BMPER: variants seen among roughly 807,000 people sequenced by gnomAD.
BMPER encodes BMP-binding endothelial regulator protein.
BMPER carries 45 observed loss-of-function variants against 87.3 expected under a neutral mutation model. The observed-to-expected ratio is 0.52, with a 90% CI of 0.41 to 0.66. The LOEUF is 0.66. BMPER is among the 30% of genes least tolerant of loss of function. The probability of loss-of-function intolerance (pLI) is 0.00; values close to 1 mark genes in which losing one functional copy is unlikely to be tolerated. For missense variants in BMPER, 784 were observed against 867.5 expected (o/e 0.90, Z 1.21); for synonymous variants, 326 against 316.2 (o/e 1.03, Z -0.33).
chr7:34,018,128 C>T (rs1787082473), intron 6 of BMPER, among the ~76,000 whole-genome samples: 1 of 151,872 alleles, frequency 6.6e-6, no homozygotes, highest in South Asian at 2.1e-4. Context: ...AGTTTGAAGT[C>T]GTCAGCCACC....
chr7:34,032,123 G>A (rs1787545559), intron 6 of BMPER, among the ~76,000 whole-genome samples: 1 of 151,268 alleles, frequency 6.6e-6, no homozygotes, highest in Admixed American at 6.6e-5. Flanking sequence ...CTATGAGACT[G>A]AATACTATTG....
chr7:34,135,033 G>A (rs571368625), intron 13 of BMPER, among the ~76,000 whole-genome samples: 228 of 152,276 alleles, frequency 1.5e-3, no homozygotes, highest in Middle Eastern at 3.4e-3. Context: ...TGCTGTGCAC[G>A]TAATGCCATT....
At chr7:34,131,936 G>A (rs1006700387) in intron 13 of BMPER, among the ~76,000 whole-genome samples, 5 of 152,164 alleles carry the variant, frequency 3.3e-5, no homozygotes, top group Admixed American at 2.6e-4. Flanking sequence ...TTCCATTTCT[G>A]TGCATGGATG....
At chr7:34,021,390 A>C (rs1787183337) in intron 6 of BMPER, among the ~76,000 whole-genome samples, 1 of 152,182 alleles carries the variant, frequency 6.6e-6, no homozygotes, top group South Asian at 2.1e-4. Context: ...AAAATGAGTA[A>C]TTTTTATGTA....
In BMPER at chr7:33,969,737, A is replaced by C. The variant is rs192778637; in HGVS notation, c.403-592A>C. On this transcript the variant is annotated intron_variant, in intron 4 of 14. Coordinates refer to ENST00000649409, the MANE Select transcript of BMPER (RefSeq NM_001365308.1). ...ATTAAGCCCTAAAGTCCCTATTTTGACATATATAATATGAACTTAAAAATA... is the reference window on the plus strand; with the variant it reads ...ATTAAGCCCTAAAGTCCCTATTTTGCCATATATAATATGAACTTAAAAATA... 3.5e-3 allele frequency among the ~76,000 whole-genome samples: 529 copies of C among 152,306 alleles called. 3 individuals are homozygous for C. Among genetic ancestry groups the C allele is most frequent in the African/African-American group, 0.012 (504 of 41,568 alleles).
Position 34,110,557 on chromosome 7 carries a change from G to A in BMPER, c.1745+24465G>A, listed in dbSNP as rs1175583431. Reference sequence around the variant, plus strand: ...TGTGTTTGTCACTTTCCTCATCACTGTTGTATGTGCTTTCAGACTTTATAT... The same window carrying A: ...TGTGTTTGTCACTTTCCTCATCACTATTGTATGTGCTTTCAGACTTTATAT... On this transcript the variant is annotated intron_variant, in intron 13 of 14. Coordinates refer to ENST00000649409, the MANE Select transcript of BMPER (RefSeq NM_001365308.1). Among the ~76,000 whole-genome samples the A allele has an allele frequency of 2.0e-5, 3 of 152,200 alleles. No individual in the cohort carries two copies. The East Asian group carries it at 5.8e-4, about 29-fold the overall frequency.
intron 6 of BMPER, among the ~76,000 whole-genome samples, chr7:33,987,294 A>G (rs1235827036): frequency 6.6e-6 from 1 of 152,064 alleles, no homozygotes; most frequent in African/African-American, 2.4e-5. Context: ...TGGAATTTTA[A>G]ATGGTACCAC....
chr7:34,098,151 T>C (rs1004046210), intron 13 of BMPER, among the ~76,000 whole-genome samples: 4 of 152,140 alleles, frequency 2.6e-5, no homozygotes, highest in African/African-American at 9.7e-5. Context: ...ATGCTTTCCA[T>C]AGAGACGCCA....
rs753070335 is a variant in BMPER at position 34,003,198 on chromosome 7, T to TAC, written c.576+28426_576+28427dup. 6.7e-4 allele frequency among the ~76,000 whole-genome samples: 102 copies of TAC among 151,658 alleles called. No homozygotes were observed. In the East Asian group the frequency reaches 0.014, roughly 20 times the overall value. On this transcript the variant is annotated intron_variant, in intron 6 of 14. Coordinates refer to ENST00000649409, the MANE Select transcript of BMPER (RefSeq NM_001365308.1). ...ATGTGTGTACACACACACACATATA[T>TAC]ACACACACACACATATATATACACA...
chr7:34,148,930 G>A (rs1213685609), intron 14 of BMPER, among the ~76,000 whole-genome samples: 1 of 152,228 alleles, frequency 6.6e-6, no homozygotes, highest in Non-Finnish European at 1.5e-5. Flanking sequence ...GGCAAGGTGA[G>A]TTCTGAAAGC....
chr7:34,151,264 T>G (rs1433728236), intron 14 of BMPER, among the ~76,000 whole-genome samples: 1 of 152,194 alleles, frequency 6.6e-6, no homozygotes, highest in Non-Finnish European at 1.5e-5. Context: ...CAGCTTTATT[T>G]AGCAAGTATT....
At chr7:34,032,182 T>C (rs1184914011) in intron 6 of BMPER, among the ~76,000 whole-genome samples, 1 of 151,766 alleles carries the variant, frequency 6.6e-6, no homozygotes, top group African/African-American at 2.4e-5. Context: ...AGAAGTTAAT[T>C]AACTTTGGTG....
At chr7:34,000,310 C>G (rs1036493100) in intron 6 of BMPER, among the ~76,000 whole-genome samples, 19 of 151,628 alleles carry the variant, frequency 1.3e-4, no homozygotes, top group Admixed American at 6.6e-5. Flanking sequence ...GAAATTTGGA[C>G]GGTGTTTTTA....
chr7:34,130,096 C>T (rs1790543620), intron 13 of BMPER, among the ~76,000 whole-genome samples: 1 of 152,186 alleles, frequency 6.6e-6, no homozygotes, highest in African/African-American at 2.4e-5. Flanking sequence ...TCACCAGTTA[C>T]CCAAACCCTC....
At chr7:33,990,039 T>C (rs1201836793) in intron 6 of BMPER, among the ~76,000 whole-genome samples, 1 of 151,804 alleles carries the variant, frequency 6.6e-6, no homozygotes, top group Non-Finnish European at 1.5e-5. Context: ...TAGTTTGAAG[T>C]CAGGTAGTGT....
At chr7:34,096,407 CAG>C (rs1442332587) in intron 13 of BMPER, among the ~76,000 whole-genome samples, 1 of 152,130 alleles carries the variant, frequency 6.6e-6, no homozygotes, top group Non-Finnish European at 1.5e-5. Flanking sequence ...GGCTTGGGCT[CAG>C]AGCTGTGCTG....
At chr7:33,907,814 T>G (rs1309740106) in intron 2 of BMPER, among the ~76,000 whole-genome samples, 1 of 152,198 alleles carries the variant, frequency 6.6e-6, no homozygotes, top group African/African-American at 2.4e-5. Context: ...TGTTGCTAGA[T>G]CAGCATGCTG....
chr7:34,023,626 G>GAAC (rs1562694629), intron 6 of BMPER, among the ~76,000 whole-genome samples: 1 of 152,046 alleles, frequency 6.6e-6, no homozygotes, highest in Admixed American at 6.6e-5. Flanking sequence ...CTAAATGTAT[G>GAAC]AACTCCAACT....
rs540944554 is a variant in BMPER at position 34,134,411 on chromosome 7, GC to G, written c.1746-8817del. ...TCGTGACCAAGCTTCCCTCTCCCTG[GC>G]CAGCTCCTGAGACCATCTTGCAAGA... is the stretch of plus-strand genomic sequence containing the variant. On this transcript the variant is annotated intron_variant, in intron 13 of 14. Coordinates refer to ENST00000649409, the MANE Select transcript of BMPER (RefSeq NM_001365308.1). 6.9e-3 allele frequency among the ~76,000 whole-genome samples: 1,052 copies of G among 152,184 alleles called. 17 individuals are homozygous for G. Among genetic ancestry groups the G allele is most frequent in the African/African-American group, 0.024 (995 of 41,512 alleles).
Sources: allele counts gnomAD v4.1 joint callset (sites outside exome capture counted in the v4.1 genomes callset), GRCh38; gene constraint gnomAD v4.1.1; transcripts MANE v1.5; gene names NCBI Gene and HGNC (gene_info 2026-07-23, HGNC 2026-07-21).